The following PCDH11Y variants were observed in gnomAD, a reference collection of about 807,000 sequenced individuals.
The protein encoded by PCDH11Y is protocadherin 11 Y-linked.
For missense variants in PCDH11Y, 12 were observed against 224.8 expected (o/e 0.05, Z 6.05); for synonymous variants, 9 against 83.6 (o/e 0.11, Z 4.87).
Position 5,097,851 on chromosome Y carries a change from T to TA in PCDH11Y, c.637-357dup, listed in dbSNP as rs201513116. Among the ~76,000 whole-genome samples the TA allele has an allele frequency of 1.7e-3, 55 of 33,121 alleles. No individual in the cohort carries two copies. In the East Asian group the frequency reaches 0.041, roughly 25 times the overall value. The allele number at this position is 33,121 out of a possible 37,273, so 88.9% of individuals were successfully genotyped here. On this transcript the variant is annotated intron_variant, in intron 1 of 1. Transcript: ENST00000215473. ...AAAAACTGAAATAGTTCACATAATTTAAAAAAACTTAAATAGCTCACATAA... is the reference window on the plus strand; with the variant it reads ...AAAAACTGAAATAGTTCACATAATTTAAAAAAAACTTAAATAGCTCACATAA...
intron 2 of PCDH11Y, among the ~76,000 whole-genome samples, chrY:5,273,161 G>T: frequency 3.0e-5 from 1 of 33,824 alleles, no homozygotes; most frequent in Non-Finnish European, 7.3e-5. Flanking sequence ...CAAAAAGTCT[G>T]AATTTTAATA....
chrY:5,665,994 A>G, intron 4 of PCDH11Y, among the ~76,000 whole-genome samples: 3 of 33,593 alleles, frequency 8.9e-5, no homozygotes, highest in Admixed American at 5.5e-4. Flanking sequence ...TTACGCAAGT[A>G]TATTCCCTTT....
chrY:5,082,967 C>T, intron 1 of PCDH11Y, among the ~76,000 whole-genome samples: 1 of 31,714 alleles, frequency 3.2e-5, no homozygotes, highest in African/African-American at 1.2e-4. Flanking sequence ...CAGAAAATGG[C>T]TGTTTGGAGC....
At chrY:5,251,142 C>A (rs2053003816) in intron 2 of PCDH11Y, among the ~76,000 whole-genome samples, 1 of 31,287 alleles carries the variant, frequency 3.2e-5, no homozygotes, top group South Asian at 7.3e-4. Flanking sequence ...AAAATAGTAT[C>A]TATGGATTCC....
At chrY:5,677,035 C>T (rs2053554258) in intron 4 of PCDH11Y, among the ~76,000 whole-genome samples, 22 of 32,034 alleles carry the variant, frequency 6.9e-4, no homozygotes, top group African/African-American at 2.7e-3. Flanking sequence ...GAAAAAAAAA[C>T]CTAGGGTGAA....
chrY:5,461,139 G>A, intron 2 of PCDH11Y, among the ~76,000 whole-genome samples: 1 of 33,049 alleles, frequency 3.0e-5, no homozygotes, highest in Non-Finnish European at 7.5e-5. Flanking sequence ...AATTATATAC[G>A]TATATTATGT....
At chrY:5,139,454 G>A (rs2052845278) in intron 2 of PCDH11Y, among the ~76,000 whole-genome samples, 2 of 31,214 alleles carry the variant, frequency 6.4e-5, no homozygotes, top group African/African-American at 1.3e-4. Context: ...TCAAACTGTC[G>A]CTGTTCACTG....
intron 3 of PCDH11Y, among the ~76,000 whole-genome samples, chrY:5,516,243 A>T: frequency 3.0e-5 from 1 of 33,486 alleles, no homozygotes; most frequent in Admixed American, 2.8e-4. Flanking sequence ...ACATGTTTAT[A>T]ATTTCATATA....
chrY:5,599,408 C>A, intron 4 of PCDH11Y, among the ~76,000 whole-genome samples: 4 of 32,706 alleles, frequency 1.2e-4, no homozygotes, highest in Non-Finnish European at 3.0e-4. Flanking sequence ...ACATGTGACC[C>A]TTATTTATTC....
At chrY:5,685,853 A>G in intron 4 of PCDH11Y, among the ~76,000 whole-genome samples, 2 of 32,868 alleles carry the variant, frequency 6.1e-5, no homozygotes, top group Non-Finnish European at 1.5e-4. Context: ...CTACATTTCA[A>G]TTGTATAAAA....
chrY:5,209,883 AC>A (rs2052936550), intron 2 of PCDH11Y, among the ~76,000 whole-genome samples: 1 of 32,727 alleles, frequency 3.1e-5, no homozygotes, highest in Non-Finnish European at 7.5e-5. Context: ...AGCCTGACCA[AC>A]CACCCCATCT....
At chrY:5,286,973 T>C (rs2124661396) in intron 2 of PCDH11Y, among the ~76,000 whole-genome samples, 1 of 33,532 alleles carries the variant, frequency 3.0e-5, no homozygotes, top group East Asian at 7.8e-4. Flanking sequence ...TTTGTCTTGT[T>C]TCTGTTCTGA....
At position 5,039,973 on chromosome Y, in the gene PCDH11Y, T is replaced by TAA; in HGVS notation, c.32+7253_32+7254dup. 2.4e-4 allele frequency among the ~76,000 whole-genome samples: 7 copies of TAA among 29,698 alleles called. No homozygotes were observed. The Middle Eastern group carries it at 0.11, about 487-fold the overall frequency. The allele number at this position is 29,698 out of a possible 37,273, so 79.7% of individuals were successfully genotyped here. On this transcript the variant is annotated intron_variant, in intron 3 of 5. Coordinates refer to the PCDH11Y transcript ENST00000333703. ...TAACATGGTGAAACCCCATCTCTACTAAAAAAAAATACAAAAAATTAGCCG... is the reference window on the plus strand; with the variant it reads ...TAACATGGTGAAACCCCATCTCTACTAAAAAAAAAAATACAAAAAATTAGCCG...
chrY:5,003,991 G>A, intron 1 of PCDH11Y, among the ~76,000 whole-genome samples: 1 of 33,432 alleles, frequency 3.0e-5, no homozygotes, highest in Non-Finnish European at 7.4e-5. Context: ...TTGGACGCAG[G>A]TGAGAGATGT....
intron 2 of PCDH11Y, among the ~76,000 whole-genome samples, chrY:5,234,716 G>T: frequency 3.1e-5 from 1 of 31,748 alleles, no homozygotes; most frequent in Non-Finnish European, 7.6e-5. Context: ...ATTCTCAGGT[G>T]ATTAAAAAAT....
At chrY:5,326,332 G>C (rs2053120411) in intron 2 of PCDH11Y, among the ~76,000 whole-genome samples, 2 of 32,151 alleles carry the variant, frequency 6.2e-5, no homozygotes, top group South Asian at 7.3e-4. Context: ...GCAAATCCTC[G>C]AGCTTGATGT....
chrY:5,425,318 T>C (rs2053262163), intron 2 of PCDH11Y, among the ~76,000 whole-genome samples: 1 of 33,238 alleles, frequency 3.0e-5, no homozygotes, highest in Admixed American at 2.8e-4. Flanking sequence ...TACAGTGACT[T>C]TGACCTCAAC....
intron 2 of PCDH11Y, among the ~76,000 whole-genome samples, chrY:5,342,523 G>A: frequency 3.0e-5 from 1 of 33,638 alleles, no homozygotes; most frequent in Non-Finnish European, 7.3e-5. Flanking sequence ...CAGAGAACAC[G>A]GAAATTAGAG....
chrY:5,180,559 A>T, intron 2 of PCDH11Y, among the ~76,000 whole-genome samples: 1 of 33,836 alleles, frequency 3.0e-5, no homozygotes, highest in African/African-American at 1.1e-4. Context: ...TGGGAGGCTA[A>T]GTCTCTTTTT....
Sources: gnomAD v4.1 joint callset for allele counts (sites outside exome capture counted in the v4.1 genomes callset) on GRCh38, gnomAD v4.1.1 for gene constraint, MANE v1.5 for transcripts, NCBI Gene and HGNC (gene_info 2026-07-23, HGNC 2026-07-21) for gene names.